The following WDR25 variants were observed in gnomAD, a reference collection of about 807,000 sequenced individuals.
WDR25 encodes the protein WD repeat domain 25.
WDR25 carries 35 observed loss-of-function variants against 47.7 expected under a neutral mutation model. The observed-to-expected ratio is 0.73, with a 90% CI of 0.56 to 0.97. WDR25 has a LOEUF of 0.97. Ranked by LOEUF, WDR25 falls within the 50% of genes least tolerant of loss-of-function variation. WDR25 has a pLI of 0.00. For missense variants in WDR25, 634 were observed against 704.7 expected (o/e 0.90, Z 1.14); for synonymous variants, 248 against 278.9 (o/e 0.89, Z 1.10).
At chr14:100,409,306 G>A (rs1897637323) in intron 2 of WDR25, among the ~76,000 whole-genome samples, 1 of 152,194 alleles carries the variant, frequency 6.6e-6, no homozygotes, top group African/African-American at 2.4e-5. Context: ...GTAGCTTAGG[G>A]CTGGTCTTCA....
chr14:100,426,620 C>A (rs536008621), intron 2 of WDR25, among the ~76,000 whole-genome samples: 49 of 152,348 alleles, frequency 3.2e-4, no homozygotes, highest in African/African-American at 1.1e-3. Flanking sequence ...CACTCTGCCC[C>A]TTCCCTGAGC....
chr14:100,393,564 G>T (rs553345537), intron 2 of WDR25, among the ~76,000 whole-genome samples: 1 of 152,344 alleles, frequency 6.6e-6, no homozygotes, highest in South Asian at 2.1e-4. Flanking sequence ...ATTCGGGTTT[G>T]CTCCCAGGGC....
intron 2 of WDR25, among the ~76,000 whole-genome samples, chr14:100,417,643 C>A (rs1595518511): frequency 6.6e-6 from 1 of 152,188 alleles, no homozygotes; most frequent in Non-Finnish European, 1.5e-5. Context: ...AGAGACCGAG[C>A]CTTTTCCTTG....
chr14:100,466,224 C>A (rs1435564307), intron 2 of WDR25, among the ~76,000 whole-genome samples: 1 of 152,136 alleles, frequency 6.6e-6, no homozygotes, highest in African/African-American at 2.4e-5. Context: ...CAGCTATTGA[C>A]CCTTAGTGAG....
chr14:100,418,811 G>A (rs1274245277), intron 2 of WDR25, among the ~76,000 whole-genome samples: 1 of 152,040 alleles, frequency 6.6e-6, no homozygotes, highest in Non-Finnish European at 1.5e-5. Context: ...GGAGGGACCT[G>A]GCATTGGACT....
chr14:100,519,241 TG>T (rs1201681562), intron 4 of WDR25, among the ~76,000 whole-genome samples: 2 of 150,500 alleles, frequency 1.3e-5, no homozygotes, highest in African/African-American at 5.0e-5. Flanking sequence ...AGTTTTTTTG[TG>T]TGTGTGTGTG....
intron 2 of WDR25, among the ~76,000 whole-genome samples, chr14:100,419,777 G>A (rs1211868087): frequency 2.6e-5 from 4 of 152,204 alleles, no homozygotes; most frequent in Admixed American, 6.5e-5. Context: ...CAAATAGGAT[G>A]ATGTTGTGAA....
At chr14:100,385,206 T>A (rs972724994) in intron 2 of WDR25, among the ~76,000 whole-genome samples, 11 of 152,238 alleles carry the variant, frequency 7.2e-5, no homozygotes, top group African/African-American at 2.4e-4. Context: ...CCCCAGCATC[T>A]GGCACAAAAT....
At chr14:100,420,891 A>C (rs932321348) in intron 2 of WDR25, among the ~76,000 whole-genome samples, 1 of 152,170 alleles carries the variant, frequency 6.6e-6, no homozygotes, top group Non-Finnish European at 1.5e-5. Flanking sequence ...GGCTGTTTGC[A>C]TCTTTCTGTC....
In WDR25 at chr14:100,449,823, C is replaced by T. The variant is rs1898963446; in HGVS notation, c.823-18198C>T. Among the ~76,000 whole-genome samples the T allele has an allele frequency of 6.6e-6, 1 of 152,188 alleles. No individual in the cohort carries two copies. Among genetic ancestry groups the T allele is most frequent in the Non-Finnish European group, 1.5e-5 (1 of 68,030 alleles). On this transcript the variant is annotated intron_variant, in intron 2 of 6. Transcript: ENST00000402312. This position sits in a 1 kb window ranked among gnomAD's most constrained non-coding sequence, Gnocchi z 4.2. The stretch of plus-strand genomic sequence containing the variant: ...GGATGAGACGTCCCAGGTTCTGGCT[C>T]TCCCTGCCTCTGCTATGGTGTGATC...
At chr14:100,487,657 C>T (rs1357155484) in intron 4 of WDR25, 7 of 152,240 alleles carry the variant, frequency 4.6e-5, no homozygotes, top group Non-Finnish European at 8.8e-5. Flanking sequence ...ACCAGGTGCT[C>T]AGAGAATGTG....
intron 2 of WDR25, among the ~76,000 whole-genome samples, chr14:100,427,872 G>A (rs1190677788): frequency 1.3e-5 from 2 of 152,224 alleles, no homozygotes; most frequent in African/African-American, 4.8e-5. Context: ...GTGGCTCTCA[G>A]TGTCAGGAGA....
At chr14:100,399,460 C>G (rs928170000) in intron 2 of WDR25, among the ~76,000 whole-genome samples, 1 of 151,828 alleles carries the variant, frequency 6.6e-6, no homozygotes, top group African/African-American at 2.4e-5. Context: ...TCACTATGCT[C>G]TCCTTTGGCC....
rs913749628 is a variant in WDR25 at position 100,440,057 on chromosome 14, C to T, written c.823-27964C>T. On this transcript the variant is annotated intron_variant, in intron 2 of 6. Transcript: ENST00000402312. The surrounding 1 kb of genome is among the most constrained non-coding windows in gnomAD (Gnocchi z 4.4). ...CAAACATGGGAAACTGTCATGTGAG[C>T]GTCCCTAAAAGCAGCATAGTCATTT... Among the ~76,000 whole-genome samples, 15 of 152,176 alleles carry T rather than the reference C, an allele frequency of 9.9e-5. No homozygotes were observed. The highest frequency in any genetic ancestry group is 2.6e-4 in the Admixed American group (4 of 15,286).
chr14:100,476,522 G>A (rs1195448108), intron 3 of WDR25: 1 of 152,194 alleles, frequency 6.6e-6, no homozygotes, highest in Non-Finnish European at 1.5e-5. Flanking sequence ...TCATGAGTCT[G>A]TGGATGTGAA....
At chr14:100,445,443 A>C (rs1011869650) in intron 2 of WDR25, among the ~76,000 whole-genome samples, 2 of 133,400 alleles carry the variant, frequency 1.5e-5, no homozygotes, top group African/African-American at 2.8e-5. Context: ...ACTTCCAAAA[A>C]ATATTTTAAA....
intron 4 of WDR25, among the ~76,000 whole-genome samples, chr14:100,514,962 A>T (rs1901443232): frequency 6.6e-6 from 1 of 152,158 alleles, no homozygotes. Flanking sequence ...TCTAAAAGAT[A>T]TTTATGCTAG....
chr14:100,439,496 G>A (rs1898603458), intron 2 of WDR25, among the ~76,000 whole-genome samples: 1 of 152,206 alleles, frequency 6.6e-6, no homozygotes, highest in Non-Finnish European at 1.5e-5. Context: ...CCTAGATGGA[G>A]GGAAGCCGTC....
At chr14:100,387,573 C>A (rs575026519) in intron 2 of WDR25, among the ~76,000 whole-genome samples, 1 of 152,334 alleles carries the variant, frequency 6.6e-6, no homozygotes, top group African/African-American at 2.4e-5. Flanking sequence ...ATGTTCTAAA[C>A]GCTCCGTCTC....
Sources: allele counts gnomAD v4.1 joint callset (sites outside exome capture counted in the v4.1 genomes callset), GRCh38; gene constraint gnomAD v4.1.1; non-coding constraint Gnocchi (gnomAD v3.1); transcripts MANE v1.5; gene names NCBI Gene and HGNC (gene_info 2026-07-23, HGNC 2026-07-21).